The following GNAZ variants were observed in gnomAD, a reference collection of about 807,000 sequenced individuals.
The protein encoded by GNAZ is guanine nucleotide-binding protein G(z) subunit alpha.
Under a neutral mutation model 25.4 loss-of-function variants are expected in GNAZ, and 3 were observed. The ratio of observed to expected loss-of-function variants is 0.12; its 90% confidence interval spans 0.05 to 0.30. The LOEUF is 0.30. GNAZ is among the 10% of genes least tolerant of loss of function. The pLI is 1.00. For synonymous variants in GNAZ, 211 were observed against 205.7 expected (o/e 1.03, Z -0.22); for missense variants, 241 against 501.8 (o/e 0.48, Z 4.97).
chr22:23,070,541 T>A lies in GNAZ; in HGVS notation c.-479T>A, dbSNP rs1203451358. On this transcript the variant is annotated 5_prime_UTR_variant, in exon 1 of 3. Coordinates refer to ENST00000615612, the MANE Select transcript of GNAZ (RefSeq NM_002073.4). ...CCCGCCCCGCCCTGCCCGGAGCAGCTCGGCAGATGCTCTGTGCTGCGGCCC... is the reference window on the plus strand; with the variant it reads ...CCCGCCCCGCCCTGCCCGGAGCAGCACGGCAGATGCTCTGTGCTGCGGCCC... 1 of 150,422 alleles carries A rather than the reference T, an allele frequency of 6.6e-6. No individual in the cohort carries two copies. The highest frequency in any genetic ancestry group is 1.5e-5 in the Non-Finnish European group (1 of 67,530). The allele number at this position is 150,422 out of a possible 1,614,324, so 9.3% of individuals were successfully genotyped here. A position where few individuals can be genotyped will look rare whatever the true frequency, so the allele number is the denominator to read the frequency against.
intron 2 of GNAZ, among the ~76,000 whole-genome samples, chr22:23,112,700 G>A (rs1416071486): frequency 6.6e-6 from 1 of 152,210 alleles, no homozygotes; most frequent in South Asian, 2.1e-4. Context: ...AGGTAAGCAC[G>A]ATGCAGCTGC....
At chr22:23,102,184 G>A (rs2146335126) in intron 2 of GNAZ, among the ~76,000 whole-genome samples, 1 of 152,344 alleles carries the variant, frequency 6.6e-6, no homozygotes, top group African/African-American at 2.4e-5. Flanking sequence ...CCACCTCAGT[G>A]GGCCTTCAGC....
chr22:23,091,911 TG>T (rs2068991278), intron 1 of GNAZ, among the ~76,000 whole-genome samples: 1 of 152,172 alleles, frequency 6.6e-6, no homozygotes, highest in Admixed American at 6.5e-5. Context: ...AGTTCCCCTT[TG>T]TGTTAGGGAT....
At chr22:23,084,286 C>G (rs1472357419) in intron 1 of GNAZ, among the ~76,000 whole-genome samples, 1 of 152,194 alleles carries the variant, frequency 6.6e-6, no homozygotes, top group African/African-American at 2.4e-5. Context: ...AGTACTCATA[C>G]AACCATTCAT....
At position 23,096,021 on chromosome 22, in the gene GNAZ, C is replaced by T; in HGVS notation, c.326C>T (p.Ala109Val). ...GCCTACGACGCTGTGCAGCTCTTTG[C>T]GCTGACGGGCCCCGCTGAGAGCAAG... ...DRAYDAVQLF[A>V]LTGPAESKGE... is the part of the protein sequence containing the mutation. The change falls in exon 2 of 3, where the codon GCG becomes GTG. Residue 109 changes from alanine to valine, a missense_variant. Coordinates refer to ENST00000615612, the MANE Select transcript of GNAZ (RefSeq NM_002073.4). The T allele has an allele frequency of 1.2e-6, 2 of 1,607,092 alleles. No individual in the cohort carries two copies. The highest frequency in any genetic ancestry group is 1.1e-5 in the South Asian group (1 of 91,070).
At chr22:23,088,943 C>T (rs923972208) in intron 1 of GNAZ, among the ~76,000 whole-genome samples, 5 of 152,250 alleles carry the variant, frequency 3.3e-5, no homozygotes, top group Admixed American at 3.3e-4. Flanking sequence ...GCCTCTCCCC[C>T]AGTCACAGTC....
intron 2 of GNAZ, among the ~76,000 whole-genome samples, chr22:23,108,313 G>C (rs2069544315): frequency 6.6e-6 from 1 of 152,274 alleles, no homozygotes; most frequent in Non-Finnish European, 1.5e-5. Context: ...GAGAACAGGG[G>C]CCAATGGTGC....
In GNAZ at chr22:23,123,241, G is replaced by C; in HGVS notation, c.878G>C (p.Gly293Ala). Residue 293 changes from glycine (G) to alanine (A), a missense_variant, in exon 3 of 3, where the codon GGC (glycine) becomes GCC (alanine). Transcript: ENST00000615612. ...ACCATCTGCTTTCCCGAGTACAAGGGCCAGAACACGTACGAGGAGGCCGCT... is the reference window on the plus strand; with the variant it reads ...ACCATCTGCTTTCCCGAGTACAAGGCCCAGAACACGTACGAGGAGGCCGCT... ...PLTICFPEYK[G>A]QNTYEEAAVY... The C allele has an allele frequency of 5.6e-6, 9 of 1,614,100 alleles. No individual in the cohort carries two copies. Among genetic ancestry groups the C allele is most frequent in the Non-Finnish European group, 7.6e-6 (9 of 1,180,016 alleles).
intron 2 of GNAZ, among the ~76,000 whole-genome samples, chr22:23,118,863 GCAGGC>G (rs1054641690): frequency 6.9e-4 from 105 of 152,322 alleles, no homozygotes; most frequent in African/African-American, 2.3e-3. Flanking sequence ...AAAACCCCAT[GCAGGC>G]CAGGCCAGGC....
intron 1 of GNAZ, among the ~76,000 whole-genome samples, chr22:23,082,638 G>A (rs1387532161): frequency 1.3e-5 from 2 of 152,140 alleles, no homozygotes; most frequent in Non-Finnish European, 2.9e-5. Flanking sequence ...AGTATGAGGA[G>A]GAGGCTGCTT....
At chr22:23,077,963 A>T in intron 1 of GNAZ, among the ~76,000 whole-genome samples, 1 of 152,154 alleles carries the variant, frequency 6.6e-6, no homozygotes, top group East Asian at 1.9e-4. Flanking sequence ...CTTGGCCCTC[A>T]TGCCTCCTCC....
intron 1 of GNAZ, among the ~76,000 whole-genome samples, chr22:23,072,960 C>T (rs5759577): frequency 0.11 from 17,098 of 152,242 alleles, 1,652 homozygotes; most frequent in East Asian, 0.51. Flanking sequence ...ACAAGGGCTG[C>T]CCAGGGCCCC....
Position 23,096,305 on chromosome 22 carries a change from G to A in GNAZ, c.610G>A (p.Gly204Arg). 6.2e-7 allele frequency: 1 copy of A among 1,614,022 alleles called. No individual in the cohort carries two copies. Among genetic ancestry groups the A allele is most frequent in the Middle Eastern group, 1.6e-4 (1 of 6,062 alleles). ...CACCTTCAAGATGGTGGACGTGGGG[G>A]GGCAGAGGTCAGAGCGCAAAAAGTG... Reference protein sequence around the residue: ...ELTFKMVDVGGQRSERKKWIH... With the variant: ...ELTFKMVDVGRQRSERKKWIH... The change falls in exon 2 of 3, where the codon GGG becomes AGG. Residue 204 changes from glycine (G) to arginine (R), a missense_variant. Coordinates refer to ENST00000615612, the MANE Select transcript of GNAZ (RefSeq NM_002073.4).
chr22:23,110,987 A>G (rs914822634), intron 2 of GNAZ, among the ~76,000 whole-genome samples: 2 of 152,174 alleles, frequency 1.3e-5, no homozygotes, highest in African/African-American at 4.8e-5. Flanking sequence ...TGCTGGGTGA[A>G]CCAAGCACAG....
intron 2 of GNAZ, among the ~76,000 whole-genome samples, chr22:23,114,614 C>G (rs2069766436): frequency 6.6e-6 from 1 of 152,250 alleles, no homozygotes; most frequent in Admixed American, 6.5e-5. Context: ...TCACTTGTGC[C>G]TGGGTGTGGG....
rs764449044 is a variant in GNAZ at position 23,096,367 on chromosome 22, C to T, written c.672C>T (p.Phe224=). The T allele has an allele frequency of 1.2e-6, 2 of 1,613,254 alleles. No individual in the cohort carries two copies. The highest frequency in any genetic ancestry group is 1.7e-6 in the Non-Finnish European group (2 of 1,179,936). Residue 224 remains phenylalanine (F), a synonymous_variant, in exon 2 of 3, where the codon TTC becomes TTT. Transcript: ENST00000615612. ...TCGAGGGCGTCACAGCCATCATCTT[C>T]TGTGTGGAGCTCAGCGGCTACGACC... ...HCFEGVTAII[F]CVELSGYDLK...
chr22:23,124,520 A>G lies in GNAZ; in HGVS notation c.*1089A>G, dbSNP rs1404261343. 1 of 332,518 alleles carries G rather than the reference A, an allele frequency of 3.0e-6. No individual in the cohort carries two copies. The highest frequency in any genetic ancestry group is 2.2e-5 in the South Asian group (1 of 45,240). 20.6% of individuals were successfully genotyped at this position (332,518 alleles called of 1,614,324 possible). A position where few individuals can be genotyped will look rare whatever the true frequency, so the allele number is the denominator to read the frequency against. On this transcript the variant is annotated 3_prime_UTR_variant, in exon 3 of 3. Transcript: ENST00000615612. ...TTTCTGCTTTGTTTTTATTTAAGAA[A>G]ATAAACACGACATATTTAAAGAAGG...
chr22:23,081,831 A>G (rs2068686355), intron 1 of GNAZ, among the ~76,000 whole-genome samples: 1 of 148,876 alleles, frequency 6.7e-6, no homozygotes, highest in Non-Finnish European at 1.5e-5. Flanking sequence ...CAAAAAAAAA[A>G]AAAAAAAAAA....
At chr22:23,080,746 C>CATTTTT (rs1195352353) in intron 1 of GNAZ, among the ~76,000 whole-genome samples, 1 of 152,236 alleles carries the variant, frequency 6.6e-6, no homozygotes, top group Non-Finnish European at 1.5e-5. Flanking sequence ...CGTATGCTCT[C>CATTTTT]ATTTTTCAAA....
Sources: gnomAD v4.1 joint callset for allele counts (sites outside exome capture counted in the v4.1 genomes callset) on GRCh38, gnomAD v4.1.1 for gene constraint, MANE v1.5 for transcripts, NCBI Gene and HGNC (gene_info 2026-07-23, HGNC 2026-07-21) for gene names.